The following NEDD4L variants were observed in gnomAD, a reference collection of about 807,000 sequenced individuals.
The protein encoded by NEDD4L is E3 ubiquitin-protein ligase NEDD4-like.
Under a neutral mutation model 148.9 loss-of-function variants are expected in NEDD4L, and 54 were observed. That is an observed-to-expected ratio of 0.36 (90% CI 0.29 to 0.45). The LOEUF (loss-of-function observed/expected upper bound fraction) is 0.45. NEDD4L is among the 20% of genes least tolerant of loss of function. The probability of loss-of-function intolerance (pLI) is 1.00; values close to 1 mark genes in which losing one functional copy is unlikely to be tolerated. For synonymous variants in NEDD4L, 433 were observed against 440.7 expected, an observed-to-expected ratio of 0.98 and a Z score of 0.22; for missense variants, 856 against 1,233.8, an observed-to-expected ratio of 0.69 and a Z score of 4.59.
chr18:58,296,836 T>A (rs902040701), intron 5 of NEDD4L, among the ~76,000 whole-genome samples: 4 of 152,158 alleles, frequency 2.6e-5, no homozygotes, highest in African/African-American at 9.7e-5. Context: ...GCAGGAGAAC[T>A]GCTTGAACCT....
rs569643682 is a variant in NEDD4L, at chr18:58,207,573, T to C, written c.123-37854T>C. Among the ~76,000 whole-genome samples, 10 of 152,316 alleles carry C rather than the reference T, an allele frequency of 6.6e-5. No individual in the cohort carries two copies. In the South Asian group the frequency reaches 1.9e-3, roughly 28 times the overall value. On this transcript the variant is annotated intron_variant, in intron 2 of 30. Coordinates refer to ENST00000400345, the MANE Select transcript of NEDD4L (RefSeq NM_001144967.3). ...AACCAGCCAGTAGGTTCTAAGAGAC[T>C]TGATAGCCGAGGGTCCCTGGGCCCT...
chr18:58,275,821 TCTGCACCCTGG>T (rs1279337802), intron 5 of NEDD4L, among the ~76,000 whole-genome samples: 1 of 152,090 alleles, frequency 6.6e-6, no homozygotes, highest in Non-Finnish European at 1.5e-5. Context: ...AAGCAGGAAG[TCTGCACCCTGG>T]CTGCACATGA....
intron 1 of NEDD4L, among the ~76,000 whole-genome samples, chr18:58,110,759 C>T (rs1230240237): frequency 6.6e-6 from 1 of 152,224 alleles, no homozygotes; most frequent in Non-Finnish European, 1.5e-5. Flanking sequence ...AAACCTTGCT[C>T]ATTTTCTTTT....
intron 2 of NEDD4L, among the ~76,000 whole-genome samples, chr18:58,234,872 G>T (rs1331335183): frequency 2.0e-5 from 3 of 152,240 alleles, no homozygotes; most frequent in Admixed American, 6.5e-5. Context: ...GGTGTCACCT[G>T]GGGGGCTGCC....
intron 1 of NEDD4L, among the ~76,000 whole-genome samples, chr18:58,065,083 T>A (rs9956206): frequency 1.3e-5 from 2 of 152,054 alleles, no homozygotes; most frequent in South Asian, 2.1e-4. Flanking sequence ...CCCCAATACC[T>A]TATCTATATT....
At chr18:58,314,972 C>T (rs2058102668) in intron 5 of NEDD4L, among the ~76,000 whole-genome samples, 1 of 152,160 alleles carries the variant, frequency 6.6e-6, no homozygotes, top group South Asian at 2.1e-4. Flanking sequence ...TAGAAACTTC[C>T]TCTGTAAACT....
At chr18:58,154,205 G>T (rs1403161575) in intron 1 of NEDD4L, among the ~76,000 whole-genome samples, 2 of 152,240 alleles carry the variant, frequency 1.3e-5, no homozygotes, top group African/African-American at 4.8e-5. Context: ...TGCCCAGGCA[G>T]TCCTGGCTTT....
intron 5 of NEDD4L, among the ~76,000 whole-genome samples, chr18:58,263,876 GGAGT>G: frequency 6.7e-6 from 1 of 149,504 alleles, no homozygotes; most frequent in Non-Finnish European, 1.5e-5. Flanking sequence ...CTTCTGGCTA[GGAGT>G]TACATTGCAG....
intron 1 of NEDD4L, among the ~76,000 whole-genome samples, chr18:58,111,740 A>G (rs1380115200): frequency 6.6e-6 from 1 of 152,192 alleles, no homozygotes; most frequent in Non-Finnish European, 1.5e-5. Flanking sequence ...TTATCAGTTG[A>G]TGAACATTTG....
At chr18:58,295,639 A>C (rs2055449018) in intron 5 of NEDD4L, among the ~76,000 whole-genome samples, 2 of 152,182 alleles carry the variant, frequency 1.3e-5, no homozygotes, top group Admixed American at 1.3e-4. Context: ...ATATAGCCTC[A>C]GAAAGCACAG....
chr18:58,225,895 C>G (rs917550488), intron 2 of NEDD4L, among the ~76,000 whole-genome samples: 9 of 152,162 alleles, frequency 5.9e-5, no homozygotes, highest in African/African-American at 1.9e-4. Flanking sequence ...GGTGGATGAT[C>G]TTTTATAAAA....
chr18:58,385,106 C>G (rs2048833182), intron 25 of NEDD4L, among the ~76,000 whole-genome samples: 1 of 152,170 alleles, frequency 6.6e-6, no homozygotes, highest in African/African-American at 2.4e-5. Flanking sequence ...GTACACTTTA[C>G]AAATATGTAT....
At chr18:58,214,782 T>G (rs193255258) in intron 2 of NEDD4L, among the ~76,000 whole-genome samples, 2 of 111,338 alleles carry the variant, frequency 1.8e-5, no homozygotes, top group East Asian at 5.9e-4. Context: ...GTGGTATTTC[T>G]GTTTCTTTCT....
At chr18:58,071,442 G>C (rs2082871082) in intron 1 of NEDD4L, among the ~76,000 whole-genome samples, 1 of 152,204 alleles carries the variant, frequency 6.6e-6, no homozygotes, top group South Asian at 2.1e-4. Flanking sequence ...CACTGGAGGG[G>C]CTTAGCAGGT....
intron 2 of NEDD4L, among the ~76,000 whole-genome samples, chr18:58,205,545 G>A (rs2041899251): frequency 6.6e-6 from 1 of 151,530 alleles, no homozygotes; most frequent in Admixed American, 6.6e-5. Flanking sequence ...AAGGAGGGAG[G>A]CAGGCAGCTG....
In NEDD4L at chr18:58,329,013, G is replaced by A. The variant is rs200935222; in HGVS notation, c.699G>A (p.Ser233=). The A allele has an allele frequency of 4.3e-5, 69 of 1,613,970 alleles. No individual in the cohort carries two copies. Among genetic ancestry groups the A allele is most frequent in the African/African-American group, 2.7e-4 (20 of 75,034 alleles). ...RPSLMDVSSE[S]DNNIRQINQE... ...TGCTCAGGGACGTGTCCTCGGAGTC[G>A]GACAATAACATCAGACAGATCAACC... The change falls in exon 10 of 31, where the codon TCG becomes TCA. Residue 233 remains serine (S), a synonymous_variant. Coordinates refer to ENST00000400345, the MANE Select transcript of NEDD4L (RefSeq NM_001144967.3).
chr18:58,156,203 G>A (rs2035473349), intron 1 of NEDD4L, among the ~76,000 whole-genome samples: 1 of 152,202 alleles, frequency 6.6e-6, no homozygotes, highest in Non-Finnish European at 1.5e-5. Flanking sequence ...AAGCGTTGGT[G>A]TTCTTCCTAA....
intron 21 of NEDD4L, among the ~76,000 whole-genome samples, 187 bp from the exon 22 acceptor site, chr18:58,367,559 C>T (rs1208117110): frequency 2.6e-5 from 4 of 152,226 alleles, no homozygotes; most frequent in African/African-American, 7.2e-5. Context: ...AGGGCACATG[C>T]GTCAGCCTCC....
At chr18:58,111,259 G>A (rs761044398) in intron 1 of NEDD4L, among the ~76,000 whole-genome samples, 4 of 152,088 alleles carry the variant, frequency 2.6e-5, no homozygotes, top group African/African-American at 9.7e-5. Flanking sequence ...GTAGAGACAG[G>A]GTTTCATCAT....
Sources: allele counts gnomAD v4.1 joint callset (sites outside exome capture counted in the v4.1 genomes callset), GRCh38; gene constraint gnomAD v4.1.1; transcripts MANE v1.5; gene names NCBI Gene and HGNC (gene_info 2026-07-23, HGNC 2026-07-21).